The following ZNF660 variants were observed in gnomAD, a reference collection of about 807,000 sequenced individuals.
The protein encoded by ZNF660 is zinc finger protein 660.
In ZNF660, 24 loss-of-function variants were observed where a neutral mutation model predicts 23.2. The observed-to-expected ratio is 1.04, with a 90% confidence interval of 0.75 to 1.46. The LOEUF (loss-of-function observed/expected upper bound fraction) is 1.46. Among genes scored for constraint, ZNF660 ranks in the 40% most tolerant of loss-of-function variants. The pLI is 0.00. For synonymous variants in ZNF660, 117 were observed against 131.4 expected (o/e 0.89, Z 0.75); for missense variants, 373 against 396.8 (o/e 0.94, Z 0.51).
intron 2 of ZNF660, among the ~76,000 whole-genome samples, chr3:44,592,788 T>C (rs1233903610): frequency 2.0e-5 from 3 of 152,182 alleles, no homozygotes; most frequent in Non-Finnish European, 4.4e-5. Context: ...GCGCGGTGGC[T>C]AACGCCTGTA....
At chr3:44,587,403 C>T (rs1444424977) in intron 2 of ZNF660, among the ~76,000 whole-genome samples, 2 of 152,168 alleles carry the variant, frequency 1.3e-5, no homozygotes, top group Non-Finnish European at 2.9e-5. Flanking sequence ...AGTCCTCATA[C>T]ATTCACTGGC....
chr3:44,593,110 A>C (rs1228448222), intron 2 of ZNF660, among the ~76,000 whole-genome samples: 2 of 151,920 alleles, frequency 1.3e-5, no homozygotes, highest in Non-Finnish European at 2.9e-5. Context: ...GTAGGCTATG[A>C]TGTGACTAGG....
At position 44,594,608 on chromosome 3, in the gene ZNF660, T is replaced by C. The variant is rs753070090; in HGVS notation, c.415T>C (p.Cys139Arg). Residue 139 changes from cysteine (C) to arginine (R), a missense_variant, in exon 3 of 3, where the codon TGT becomes CGT. Coordinates refer to ENST00000322734, the MANE Select transcript of ZNF660 (RefSeq NM_173658.4). ...SGEKTYECKE[C>R]GKAFSRSSGL... Reference sequence around the variant, plus strand: ...GGAGAAAACTTATGAATGTAAAGAGTGTGGGAAAGCCTTTAGTCGGAGTTC... The same window carrying C: ...GGAGAAAACTTATGAATGTAAAGAGCGTGGGAAAGCCTTTAGTCGGAGTTC... 1.2e-6 allele frequency: 2 copies of C among 1,614,040 alleles called. No individual in the cohort carries two copies. Among genetic ancestry groups the C allele is most frequent in the South Asian group, 1.1e-5 (1 of 91,080 alleles).
intron 1 of ZNF660, 81 bp downstream of exon 1, chr3:44,585,088 G>A (rs1478586032): frequency 6.6e-6 from 1 of 152,662 alleles, no homozygotes; most frequent in Admixed American, 6.5e-5. Flanking sequence ...AGGAGGCCAG[G>A]GCTCCTCTGC....
rs1700707451 is a variant in ZNF660, at chr3:44,598,823, TCTC to T, written c.*3635_*3637del. 6.6e-6 allele frequency: 1 copy of T among 152,208 alleles called. No individual in the cohort carries two copies. The highest frequency in any genetic ancestry group is 6.5e-5 in the Admixed American group (1 of 15,280). 9.4% of individuals were successfully genotyped at this position (152,208 alleles called of 1,614,324 possible). On this transcript the variant is annotated 3_prime_UTR_variant, in exon 3 of 3. Transcript: ENST00000322734. ...TGTACCTCTCTGTACTGCCATTTCT[TCTC>T]TCTTCTCCATCAGAAACTTAGCTCT...
rs769258560 is a variant in ZNF660 at position 44,595,588 on chromosome 3, C to T, written c.*399C>T. 1.7e-5 allele frequency: 3 copies of T among 175,366 alleles called. No homozygotes were observed. The highest frequency in any genetic ancestry group is 4.1e-5 in the Non-Finnish European group (3 of 73,092). 10.9% of individuals were successfully genotyped at this position (175,366 alleles called of 1,614,324 possible). Reference sequence around the variant, plus strand: ...AATGTTAACAGTGATCATCTCTGGGCGATAGGATTATAGGTGATTTCTATT... The same window carrying T: ...AATGTTAACAGTGATCATCTCTGGGTGATAGGATTATAGGTGATTTCTATT... On this transcript the variant is annotated 3_prime_UTR_variant, in exon 3 of 3. Coordinates refer to ENST00000322734, the MANE Select transcript of ZNF660 (RefSeq NM_173658.4).
In ZNF660 at chr3:44,594,000, G is replaced by GT. The variant is rs1265961915; in HGVS notation, c.-180-11dup. On this transcript the variant is annotated splice_polypyrimidine_tract_variant and intron_variant, in intron 2 of 2. Coordinates refer to ENST00000322734, the MANE Select transcript of ZNF660 (RefSeq NM_173658.4). ...AGAATAGGTGACATGTGCAATTTCT[G>GT]TTTCTCCTGTCAGATGGTGAAACTG... is the stretch of plus-strand genomic sequence containing the variant. 1 of 727,636 alleles carries GT rather than the reference G, an allele frequency of 1.4e-6. No homozygotes were observed. Among genetic ancestry groups the GT allele is most frequent in the African/African-American group, 1.7e-5 (1 of 57,490 alleles). 45.1% of individuals were successfully genotyped at this position (727,636 alleles called of 1,614,324 possible). A position where few individuals can be genotyped will look rare whatever the true frequency, so the allele number is the denominator to read the frequency against.
chr3:44,591,014 G>A (rs1200290589), intron 2 of ZNF660, among the ~76,000 whole-genome samples: 2 of 152,194 alleles, frequency 1.3e-5, no homozygotes, highest in African/African-American at 4.8e-5. Context: ...TTTCTGAGAT[G>A]TGAACTCGAA....
In ZNF660 at chr3:44,595,261, TTCTACTTCTAAGAATCATAC is replaced by T. The variant is rs1001629135; in HGVS notation, c.*87_*106del. 1.2e-5 allele frequency: 18 copies of T among 1,447,954 alleles called. 1 individual carries two copies. Among genetic ancestry groups the T allele is most frequent in the Non-Finnish European group, 1.6e-5 (17 of 1,082,228 alleles). 89.7% of individuals were successfully genotyped at this position (1,447,954 alleles called of 1,614,324 possible). On this transcript the variant is annotated 3_prime_UTR_variant, in exon 3 of 3. Coordinates refer to ENST00000322734, the MANE Select transcript of ZNF660 (RefSeq NM_173658.4). The stretch of plus-strand genomic sequence containing the variant: ...AGTAGTTCTTTAGTATCAACTTTAA[TTCTACTTCTAAGAATCATAC>T]TCTACTTCTAAGAAAATAATTAGAA...
At chr3:44,592,579 G>C (rs889937247) in intron 2 of ZNF660, among the ~76,000 whole-genome samples, 1 of 152,126 alleles carries the variant, frequency 6.6e-6, no homozygotes. Context: ...CTACTCTGAC[G>C]CTTTTGCCAT....
chr3:44,587,725 C>T (rs151296230), intron 2 of ZNF660, among the ~76,000 whole-genome samples: 1 of 152,344 alleles, frequency 6.6e-6, no homozygotes, highest in East Asian at 1.9e-4. Context: ...TTCTCCCTAC[C>T]TGCCCCTTTG....
Position 44,594,776 on chromosome 3 carries a change from T to C in ZNF660, c.583T>C (p.Cys195Arg). Residue 195 changes from cysteine (C) to arginine (R), a missense_variant, in exon 3 of 3, where the codon TGT becomes CGT. Physicochemically the swap from Cys to Arg is radical, Grantham distance 180 (BLOSUM62 -3). Transcript: ENST00000322734. ...RGKKVYKCKE[C>R]GKTCGSNTKI... ...AAAAAAAGTTTACAAATGTAAGGAG[T>C]GTGGGAAAACATGTGGTTCTAATAC... The C allele has an allele frequency of 2.5e-6, 4 of 1,613,860 alleles. No individual in the cohort carries two copies. The highest frequency in any genetic ancestry group is 3.4e-6 in the Non-Finnish European group (4 of 1,179,966).
At chr3:44,586,065 T>C (rs1162383035) in intron 1 of ZNF660, 40 bp from the exon 2 acceptor site, 1 of 152,170 alleles carries the variant, frequency 6.6e-6, no homozygotes, top group Non-Finnish European at 1.5e-5. Flanking sequence ...CACTTGGAAT[T>C]CAGGGCTCAG....
rs376176045 is a variant in ZNF660, at chr3:44,594,498, G to T, written c.305G>T (p.Gly102Val). ...GTTGTTCATCGGAGAATCCACACTGGACTGAAGCCCTATACATGCAGTGAA... is the reference window on the plus strand; with the variant it reads ...GTTGTTCATCGGAGAATCCACACTGTACTGAAGCCCTATACATGCAGTGAA... ...NLVVHRRIHT[G>V]LKPYTCSECG... The change falls in exon 3 of 3, where the codon GGA becomes GTA. Residue 102 changes from glycine to valine, a missense_variant. Coordinates refer to ENST00000322734, the MANE Select transcript of ZNF660 (RefSeq NM_173658.4). The T allele has an allele frequency of 6.2e-7, 1 of 1,614,028 alleles. No individual in the cohort carries two copies. Among genetic ancestry groups the T allele is most frequent in the Non-Finnish European group, 8.5e-7 (1 of 1,180,042 alleles).
rs886811836 is a variant in ZNF660, at chr3:44,594,840, A to G, written c.647A>G (p.Lys216Arg). Residue 216 changes from lysine (K) to arginine (R), a missense_variant, in exon 3 of 3, where the codon AAG becomes AGG. Physicochemically the swap from Lys to Arg is conservative, Grantham distance 26 (BLOSUM62 2). Coordinates refer to ENST00000322734, the MANE Select transcript of ZNF660 (RefSeq NM_173658.4). ...CATCAGAGAATTCACACTGGAGAGA[A>G]GCCTTATGAATGTGATGAGTGTGGA... ...MDHQRIHTGE[K>R]PYECDECGKT... 2 of 1,614,104 alleles carry G rather than the reference A, an allele frequency of 1.2e-6. No individual in the cohort carries two copies. Among genetic ancestry groups the G allele is most frequent in the Admixed American group, 1.7e-5 (1 of 60,010 alleles).
intron 2 of ZNF660, among the ~76,000 whole-genome samples, chr3:44,589,959 C>CTTTTT (rs397876489): frequency 4.9e-5 from 5 of 102,992 alleles, no homozygotes; most frequent in African/African-American, 7.8e-5. Flanking sequence ...AACCCTGTGC[C>CTTTTT]TTTTTTTTTT....
Position 44,594,551 on chromosome 3 carries a change from C to A in ZNF660, c.358C>A (p.His120Asn), listed in dbSNP as rs746810653. 1.9e-6 allele frequency: 3 copies of A among 1,614,052 alleles called. No individual in the cohort carries two copies. Among genetic ancestry groups the A allele is most frequent in the Non-Finnish European group, 1.7e-6 (2 of 1,180,020 alleles). ...ECGKSFSGKS[H>N]LIRHQGIHSG... Reference sequence around the variant, plus strand: ...TGGGAAATCTTTCAGTGGAAAGTCACATCTTATTCGGCACCAGGGAATCCA... The same window carrying A: ...TGGGAAATCTTTCAGTGGAAAGTCAAATCTTATTCGGCACCAGGGAATCCA... The change falls in exon 3 of 3, where the codon CAT (histidine) becomes AAT (asparagine). Residue 120 changes from histidine to asparagine, a missense_variant. Transcript: ENST00000322734.
At chr3:44,593,934 C>A (rs1318124743) in intron 2 of ZNF660, 80 bp from the exon 3 acceptor site, 5 of 568,650 alleles carry the variant, frequency 8.8e-6, no homozygotes, top group Non-Finnish European at 3.3e-6. Flanking sequence ...CATATGGCTA[C>A]CACATCTTGT....
At chr3:44,586,795 A>C (rs1292466944) in intron 2 of ZNF660, 1 of 152,202 alleles carries the variant, frequency 6.6e-6, no homozygotes, top group Non-Finnish European at 1.5e-5. Flanking sequence ...TTACCATTTC[A>C]AATCAAACAA....
Sources: gnomAD v4.1 joint callset for allele counts (sites outside exome capture counted in the v4.1 genomes callset) on GRCh38, gnomAD v4.1.1 for gene constraint, MANE v1.5 for transcripts, NCBI Gene and HGNC (gene_info 2026-07-23, HGNC 2026-07-21) for gene names.